TRAF3: variants seen among roughly 807,000 people sequenced by gnomAD.
TRAF3 encodes the protein TNF receptor associated factor 3.
A neutral mutation model predicts 62.3 loss-of-function variants in TRAF3; 13 were observed. The observed-to-expected ratio is 0.21, with a 90% CI of 0.14 to 0.33. The LOEUF is 0.33. Among genes scored for constraint, TRAF3 ranks in the 10% least tolerant of loss-of-function variants. TRAF3 has a pLI of 1.00. For missense variants in TRAF3, 440 were observed against 741.8 expected (o/e 0.59, Z 4.73); for synonymous variants, 269 against 283.4 (o/e 0.95, Z 0.51).
In TRAF3 at chr14:102,803,945, C is replaced by T. The variant is rs573884520; in HGVS notation, c.-157+26270C>T. On this transcript the variant is annotated intron_variant, in intron 1 of 11. Transcript: ENST00000392745. ...GGATATAGTGGCTGGCGCCTGTAAT[C>T]CCAGCACTTTGAGAGGCTCAGGCCG... Among the ~76,000 whole-genome samples, 3 of 152,272 alleles carry T rather than the reference C, an allele frequency of 2.0e-5. No homozygotes were observed. In the South Asian group the frequency reaches 6.2e-4, roughly 32 times the overall value.
At chr14:102,801,792 G>A (rs1898432923) in intron 1 of TRAF3, among the ~76,000 whole-genome samples, 1 of 151,538 alleles carries the variant, frequency 6.6e-6, no homozygotes, top group South Asian at 2.1e-4. Flanking sequence ...GCCGAGGCGG[G>A]CAGATCACAA....
intron 6 of TRAF3, among the ~76,000 whole-genome samples, chr14:102,878,368 G>A (rs143599687): frequency 6.9e-6 from 1 of 145,456 alleles, no homozygotes; most frequent in Non-Finnish European, 1.5e-5. Flanking sequence ...GGGGGTAAGT[G>A]TGTGTGGGGG....
intron 2 of TRAF3, among the ~76,000 whole-genome samples, chr14:102,853,837 T>TAA (rs35601098): frequency 0.023 from 3,114 of 133,252 alleles, 125 homozygotes; most frequent in African/African-American, 0.079. Context: ...AGACTCCGTC[T>TAA]AAAAAAAAAA....
chr14:102,891,642 C>A (rs1237209060), intron 9 of TRAF3, among the ~76,000 whole-genome samples: 1 of 151,838 alleles, frequency 6.6e-6, no homozygotes, highest in Non-Finnish European at 1.5e-5. Context: ...TAAAGTCAAT[C>A]ACATTGTGAT....
At chr14:102,848,703 GA>G (rs1463703403) in intron 2 of TRAF3, among the ~76,000 whole-genome samples, 2 of 152,162 alleles carry the variant, frequency 1.3e-5, no homozygotes, top group African/African-American at 4.8e-5. Context: ...TTAATCAATA[GA>G]ATACTTTTCC....
At chr14:102,896,285 C>G (rs1008402487) in intron 9 of TRAF3, among the ~76,000 whole-genome samples, 2 of 152,108 alleles carry the variant, frequency 1.3e-5, no homozygotes, top group African/African-American at 4.8e-5. Context: ...TGCCCTTTGC[C>G]CAGCAGCTCC....
chr14:102,796,788 G>A (rs948057720), intron 1 of TRAF3, among the ~76,000 whole-genome samples: 1 of 152,186 alleles, frequency 6.6e-6, no homozygotes, highest in African/African-American at 2.4e-5. Context: ...AGTCTCTTAC[G>A]AAGGTAAAAT....
At chr14:102,788,999 C>T (rs1457735908) in intron 1 of TRAF3, among the ~76,000 whole-genome samples, 1 of 152,120 alleles carries the variant, frequency 6.6e-6, no homozygotes, top group African/African-American at 2.4e-5. Flanking sequence ...TTTTCATCCC[C>T]CTTTACCCAT....
chr14:102,893,220 C>CAAA (rs1256677180), intron 9 of TRAF3, among the ~76,000 whole-genome samples: 96 of 140,196 alleles, frequency 6.8e-4, no homozygotes, highest in African/African-American at 1.9e-3. Context: ...CCGTCTCTAC[C>CAAA]AAAAAAAAAA....
At chr14:102,855,712 C>G (rs1887322173) in intron 2 of TRAF3, among the ~76,000 whole-genome samples, 1 of 151,332 alleles carries the variant, frequency 6.6e-6, no homozygotes, top group Non-Finnish European at 1.5e-5. Context: ...ACGAGAATCA[C>G]TTGAGCCTGA....
At chr14:102,851,264 G>A (rs1887022500) in intron 2 of TRAF3, among the ~76,000 whole-genome samples, 1 of 152,106 alleles carries the variant, frequency 6.6e-6, no homozygotes, top group Non-Finnish European at 1.5e-5. Context: ...CCATATATAA[G>A]CAAGTGAAGT....
At position 102,899,637 on chromosome 14, in the gene TRAF3, G is replaced by A. The variant is rs115751898; in HGVS notation, c.960+2236G>A. On this transcript the variant is annotated intron_variant, in intron 10 of 11. Coordinates refer to ENST00000392745, the MANE Select transcript of TRAF3 (RefSeq NM_145725.3). The stretch of plus-strand genomic sequence containing the variant: ...CTCCTCCAGCCATGTTTGTGGACCA[G>A]CTAGGTGATGAGGGCACACGTCACT... Among the ~76,000 whole-genome samples the A allele has an allele frequency of 3.6e-3, 551 of 152,240 alleles. 4 individuals are homozygous for A. Among genetic ancestry groups the A allele is most frequent in the African/African-American group, 0.012 (505 of 41,540 alleles).
chr14:102,875,593 A>G, intron 4 of TRAF3, 31 bp from the exon 5 acceptor site: 1 of 1,589,280 alleles, frequency 6.3e-7, no homozygotes, highest in African/African-American at 1.3e-5. Context: ...AGAAATATTA[A>G]TCCTCCAAAA....
chr14:102,893,095 GA>G (rs1177124018), intron 9 of TRAF3, among the ~76,000 whole-genome samples: 1 of 151,932 alleles, frequency 6.6e-6, no homozygotes, highest in Non-Finnish European at 1.5e-5. Context: ...TCATTTTAAG[GA>G]TAGGCTTTGT....
At chr14:102,779,971 C>T (rs1161717835) in intron 1 of TRAF3, among the ~76,000 whole-genome samples, 1 of 152,230 alleles carries the variant, frequency 6.6e-6, no homozygotes, top group Non-Finnish European at 1.5e-5. Flanking sequence ...GGAATCAGGA[C>T]CCCTTGCTGC....
At chr14:102,867,787 A>G (rs1888090696) in intron 2 of TRAF3, among the ~76,000 whole-genome samples, 1 of 152,250 alleles carries the variant, frequency 6.6e-6, no homozygotes, top group Non-Finnish European at 1.5e-5. Flanking sequence ...AGCAAATGAC[A>G]TCTATAATAC....
intron 7 of TRAF3, 87 bp from the exon 8 acceptor site, chr14:102,889,473 C>T (rs2139934972): frequency 7.6e-7 from 1 of 1,308,570 alleles, no homozygotes; most frequent in Non-Finnish European, 1.1e-6. Flanking sequence ...CTTAATAGTA[C>T]AGCTCAGATG....
chr14:102,858,712 T>A (rs1887520648), intron 2 of TRAF3, among the ~76,000 whole-genome samples: 1 of 152,196 alleles, frequency 6.6e-6, no homozygotes, highest in African/African-American at 2.4e-5. Context: ...CATATCACAA[T>A]TCTAGGAGTT....
At chr14:102,886,328 T>C in intron 7 of TRAF3, 59 bp downstream of exon 7, 2 of 1,445,460 alleles carry the variant, frequency 1.4e-6, no homozygotes. Flanking sequence ...CGTGCCTGGC[T>C]CCCCTTCCCT....
Sources: allele counts gnomAD v4.1 joint callset (sites outside exome capture counted in the v4.1 genomes callset), GRCh38; gene constraint gnomAD v4.1.1; transcripts MANE v1.5; gene names NCBI Gene and HGNC (gene_info 2026-07-23, HGNC 2026-07-21).